Variants in NSD2 observed in about 807,000 individuals in gnomAD.
NSD2 encodes the protein nuclear receptor binding SET domain protein 2, also known as histone-lysine N-methyltransferase NSD2.
NSD2 carries 12 observed loss-of-function variants against 139.0 expected under a neutral mutation model. That is an observed-to-expected ratio of 0.09 (90% CI 0.06 to 0.14). NSD2 has a LOEUF of 0.14. Ranked by LOEUF, NSD2 falls within the 10% of genes least tolerant of loss-of-function variation. NSD2 has a pLI of 1.00. For missense variants in NSD2, 1,155 were observed against 1,745.0 expected (o/e 0.66, Z 6.02); for synonymous variants, 669 against 648.7 (o/e 1.03, Z -0.48).
Position 1,939,740 on chromosome 4 carries a change from A to G in NSD2, c.1843A>G (p.Lys615Glu). 1.2e-6 allele frequency: 2 copies of G among 1,614,248 alleles called. No individual in the cohort carries two copies. The highest frequency in any genetic ancestry group is 1.7e-6 in the Non-Finnish European group (2 of 1,180,040). Residue 615 changes from lysine to glutamate, a missense_variant, in exon 9 of 22, where the codon AAA becomes GAA. Lys to Glu is a moderately conservative substitution (Grantham distance 56, BLOSUM62 1). Transcript: ENST00000508803. ...TAASSALGFS[K>E]SSSPSASLTE... The stretch of plus-strand genomic sequence containing the variant: ...AGCATCTTCAGCTCTTGGGTTTAGC[A>G]AAAGTTCATCTCCTTCTGCATCCTT...
intron 5 of NSD2, among the ~76,000 whole-genome samples, chr4:1,923,533 A>G (rs1720448536): frequency 6.6e-6 from 1 of 152,162 alleles, no homozygotes; most frequent in Non-Finnish European, 1.5e-5. Flanking sequence ...CATCCTTCAC[A>G]GTCATCAGGT....
At chr4:1,930,796 C>T (rs774922532) in intron 6 of NSD2, 26 bp downstream of exon 6, 5 of 1,604,202 alleles carry the variant, frequency 3.1e-6, no homozygotes, top group African/African-American at 2.7e-5. Context: ...TGCTGATGTC[C>T]TCTGCTTGGG....
chr4:1,872,633 A>AGAGAGAGAGAGAGAGAGAGAGC (rs1203166315), intron 1 of NSD2, among the ~76,000 whole-genome samples: 1 of 131,034 alleles, frequency 7.6e-6, no homozygotes, highest in African/African-American at 2.8e-5. Flanking sequence ...AGAGAGAGAG[A>AGAGAGAGAGAGAGAGAGAGAGC]GAGCGCGCAG....
chr4:1,961,791 G>T (rs911150276), intron 18 of NSD2, among the ~76,000 whole-genome samples: 2 of 152,222 alleles, frequency 1.3e-5, no homozygotes, highest in Non-Finnish European at 2.9e-5. Flanking sequence ...GCCCTGTGGG[G>T]GTGCGTGTCA....
chr4:1,946,458 A>G, intron 9 of NSD2: 1 of 587,264 alleles, frequency 1.7e-6, no homozygotes, highest in Non-Finnish European at 2.2e-6. Context: ...TTTAGTAGAG[A>G]CAGGGTTTCG....
intron 1 of NSD2, among the ~76,000 whole-genome samples, chr4:1,896,555 A>G (rs1023993792): frequency 6.6e-6 from 1 of 152,154 alleles, no homozygotes; most frequent in Non-Finnish European, 1.5e-5. Flanking sequence ...TTGTAGAGAC[A>G]GGGTCTCACT....
chr4:1,925,075 A>G (rs1260212515), intron 5 of NSD2, among the ~76,000 whole-genome samples: 1 of 152,218 alleles, frequency 6.6e-6, no homozygotes, highest in Non-Finnish European at 1.5e-5. Flanking sequence ...TTATCGGAAA[A>G]GCAATGACTA....
chr4:1,971,370 C>CT (rs1238983836), intron 18 of NSD2, among the ~76,000 whole-genome samples: 3 of 152,062 alleles, frequency 2.0e-5, no homozygotes, highest in Admixed American at 6.5e-5. Context: ...TCCCACTGGC[C>CT]TATGGGATCC....
chr4:1,974,685 T>C lies in NSD2; in HGVS notation c.3373-178T>C. 1 of 918,134 alleles carries C rather than the reference T, an allele frequency of 1.1e-6. No individual in the cohort carries two copies. Among genetic ancestry groups the C allele is most frequent in the Non-Finnish European group, 1.8e-6 (1 of 560,782 alleles). The allele number at this position is 918,134 out of a possible 1,614,324, so 56.9% of individuals were successfully genotyped here. A position where few individuals can be genotyped will look rare whatever the true frequency, so the allele number is the denominator to read the frequency against. ...CCACGTGGTCCTGACCTGTCCTCTG[T>C]GAGCAAGAGAAACAGGACTGGTTTG... On this transcript the variant is annotated intron_variant, in intron 18 of 21. Coordinates refer to ENST00000508803, the MANE Select transcript of NSD2 (RefSeq NM_001042424.3). This position sits in a 1 kb window ranked among gnomAD's most constrained non-coding sequence, Gnocchi z 4.0.
chr4:1,910,577 G>A (rs1435411033), intron 3 of NSD2, among the ~76,000 whole-genome samples: 1 of 152,084 alleles, frequency 6.6e-6, no homozygotes, highest in African/African-American at 2.4e-5. Context: ...CACCTTTTCT[G>A]TGTTATGGAA....
intron 20 of NSD2, chr4:1,975,633 G>T: frequency 1.9e-6 from 1 of 513,876 alleles, no homozygotes; most frequent in Non-Finnish European, 3.5e-6. Flanking sequence ...TCACAGACGC[G>T]TGGTTTCGCA....
intron 9 of NSD2, 126 bp downstream of exon 9, chr4:1,939,904 T>G: frequency 6.5e-7 from 1 of 1,549,204 alleles, no homozygotes; most frequent in Non-Finnish European, 8.7e-7. Flanking sequence ...AGTGCAGATG[T>G]TTTAGGGCCT....
At chr4:1,952,351 C>T in intron 11 of NSD2, 120 bp downstream of exon 11, 1 of 1,444,752 alleles carries the variant, frequency 6.9e-7, no homozygotes, top group South Asian at 1.3e-5. Context: ...ACCCCCACCG[C>T]CTGGCCCTCT....
At chr4:1,905,177 T>C (rs1324344012) in intron 3 of NSD2, among the ~76,000 whole-genome samples, 1 of 152,044 alleles carries the variant, frequency 6.6e-6, no homozygotes, top group Non-Finnish European at 1.5e-5. Context: ...GAGCAAATAA[T>C]GGTTGGTCAA....
intron 1 of NSD2, among the ~76,000 whole-genome samples, chr4:1,893,386 C>T (rs994988931): frequency 5.3e-5 from 8 of 152,350 alleles, no homozygotes; most frequent in African/African-American, 1.9e-4. Flanking sequence ...AGGAGAATCA[C>T]TTGAACCCAG....
At chr4:1,909,427 C>T (rs1718374016) in intron 3 of NSD2, among the ~76,000 whole-genome samples, 1 of 152,090 alleles carries the variant, frequency 6.6e-6, no homozygotes, top group Non-Finnish European at 1.5e-5. Flanking sequence ...CAGTGCTGAG[C>T]CCTTGCTCCA....
chr4:1,945,591 G>A (rs897526063), intron 9 of NSD2: 14 of 1,065,258 alleles, frequency 1.3e-5, no homozygotes, highest in African/African-American at 1.6e-5. Flanking sequence ...TGAGTGTGTG[G>A]CACCTGTGAT....
At position 1,871,560 on chromosome 4, in the gene NSD2, C is replaced by T. The variant is rs1285962468; in HGVS notation, c.-30+18C>T. 6.6e-6 allele frequency: 1 copy of T among 151,328 alleles called. No individual in the cohort carries two copies. Among genetic ancestry groups the T allele is most frequent in the Non-Finnish European group, 1.5e-5 (1 of 67,726 alleles). The allele number at this position is 151,328 out of a possible 1,614,324, so 9.4% of individuals were successfully genotyped here. On this transcript the variant is annotated intron_variant, in intron 1 of 21. Transcript: ENST00000508803. The stretch of plus-strand genomic sequence containing the variant: ...CACCGCAGGTCACTGGGGCGCCCGC[C>T]CAACAGTCGCGGGCCGCCAACCGCC...
At chr4:1,933,545 A>G (rs904426707) in intron 6 of NSD2, among the ~76,000 whole-genome samples, 2 of 151,074 alleles carry the variant, frequency 1.3e-5, no homozygotes, top group Non-Finnish European at 2.9e-5. Flanking sequence ...GCCCGCCACC[A>G]TGACCAGCTA....
Sources: allele counts gnomAD v4.1 joint callset (sites outside exome capture counted in the v4.1 genomes callset), GRCh38; gene constraint gnomAD v4.1.1; non-coding constraint Gnocchi (gnomAD v3.1); transcripts MANE v1.5; gene names NCBI Gene and HGNC (gene_info 2026-07-23, HGNC 2026-07-21).